Variants in SELENOF observed in about 807,000 individuals in gnomAD.
SELENOF encodes 15 kDa selenoprotein.
A neutral mutation model predicts 20.5 loss-of-function variants in SELENOF; 16 were observed. That is an observed-to-expected ratio of 0.78 (90% CI 0.53 to 1.19). SELENOF has a LOEUF of 1.19. Among genes scored for constraint, SELENOF ranks in the 50% most tolerant of loss-of-function variants. The pLI is 0.00. For synonymous variants in SELENOF, 78 were observed against 74.5 expected, an observed-to-expected ratio of 1.05 and a Z score of -0.24; for missense variants, 215 against 194.2, an observed-to-expected ratio of 1.11 and a Z score of -0.64.
intron 2 of SELENOF, among the ~76,000 whole-genome samples, chr1:86,885,197 C>G (rs1659183149): frequency 6.6e-6 from 1 of 152,138 alleles, no homozygotes; most frequent in South Asian, 2.1e-4. Flanking sequence ...TGAAAAAAAT[C>G]TGAAATCCAA....
chr1:86,894,668 G>T (rs561936684), intron 2 of SELENOF, among the ~76,000 whole-genome samples: 1 of 152,174 alleles, frequency 6.6e-6, no homozygotes, highest in East Asian at 1.9e-4. Flanking sequence ...GTGAGACCTT[G>T]TCTCTACAAA....
intron 2 of SELENOF, among the ~76,000 whole-genome samples, chr1:86,899,553 A>C (rs1373404797): frequency 2.4e-5 from 3 of 125,188 alleles, no homozygotes; most frequent in African/African-American, 6.3e-5. Context: ...CTGACCCCCC[A>C]CCTCCCTCCC....
rs115101344 is a variant in SELENOF, at chr1:86,877,851, A to G, written c.316+2811T>C. Among the ~76,000 whole-genome samples the G allele has an allele frequency of 3.9e-3, 591 of 152,286 alleles. 3 individuals are homozygous for G. Among genetic ancestry groups the G allele is most frequent in the South Asian group, 0.037 (180 of 4,830 alleles). Reference sequence around the variant, plus strand: ...CCATGCTATAATAGCAGAGTTCGATAGTTATGACAGAGCCCATGGTGCCTA... The same window carrying G: ...CCATGCTATAATAGCAGAGTTCGATGGTTATGACAGAGCCCATGGTGCCTA... On this transcript the variant is annotated intron_variant, in intron 3 of 4. Transcript: ENST00000331835.
chr1:86,891,940 T>C (rs1250655128), intron 2 of SELENOF, among the ~76,000 whole-genome samples: 2 of 152,012 alleles, frequency 1.3e-5, no homozygotes, highest in East Asian at 1.9e-4. Flanking sequence ...TAGTTTTTTT[T>C]TTTTTCTAGA....
intron 2 of SELENOF, among the ~76,000 whole-genome samples, chr1:86,888,999 A>T (rs1283323138): frequency 6.6e-6 from 1 of 152,230 alleles, no homozygotes; most frequent in Non-Finnish European, 1.5e-5. Flanking sequence ...AAAGCTACTA[A>T]AACAAATTAA....
chr1:86,909,932 G>A (rs1461893630), intron 1 of SELENOF, among the ~76,000 whole-genome samples: 2 of 152,200 alleles, frequency 1.3e-5, no homozygotes, highest in Non-Finnish European at 2.9e-5. Flanking sequence ...TTGAACCCGA[G>A]AGGCGGAGAT....
Position 86,900,329 on chromosome 1 carries a change from C to A in SELENOF, c.252+2952G>T, listed in dbSNP as rs534643569. On this transcript the variant is annotated intron_variant, in intron 2 of 4. Coordinates refer to ENST00000331835, the MANE Select transcript of SELENOF (RefSeq NM_004261.5). ...CACTGAGTGAACCAGACACCGTCTGCAATCCCGGCACCTCTGGAGGCCGAG... is the reference window on the plus strand; with the variant it reads ...CACTGAGTGAACCAGACACCGTCTGAAATCCCGGCACCTCTGGAGGCCGAG... 3.9e-5 allele frequency among the ~76,000 whole-genome samples: 6 copies of A among 152,324 alleles called. No homozygotes were observed. The South Asian group carries it at 1.2e-3, about 32-fold the overall frequency.
chr1:86,902,541 C>G (rs1403786448), intron 2 of SELENOF, among the ~76,000 whole-genome samples: 1 of 152,162 alleles, frequency 6.6e-6, no homozygotes. Flanking sequence ...TGGAAGGAAA[C>G]AACAGAAATA....
intron 2 of SELENOF, among the ~76,000 whole-genome samples, chr1:86,882,000 G>A (rs1177490484): frequency 6.6e-6 from 1 of 152,116 alleles, no homozygotes; most frequent in Non-Finnish European, 1.5e-5. Context: ...TAGGGAGGCT[G>A]AGGTGGGCGG....
intron 3 of SELENOF, among the ~76,000 whole-genome samples, chr1:86,872,746 A>C (rs1658809918): frequency 6.6e-6 from 1 of 151,998 alleles, no homozygotes; most frequent in Non-Finnish European, 1.5e-5. Flanking sequence ...TCAATACAAA[A>C]ATTAGCCAGG....
chr1:86,887,165 T>C (rs1375316776), intron 2 of SELENOF: 28 of 1,542,588 alleles, frequency 1.8e-5, no homozygotes, highest in Non-Finnish European at 2.2e-5. Context: ...CTTTGAGTGA[T>C]GGCATTCTTG....
chr1:86,897,282 C>T (rs61327976), intron 2 of SELENOF, among the ~76,000 whole-genome samples: 3,574 of 152,110 alleles, frequency 0.023, 72 homozygotes, highest in African/African-American at 0.049. Context: ...AGTGAAACTC[C>T]GTCTTGGTGC....
At chr1:86,899,483 G>C (rs1318646793) in intron 2 of SELENOF, among the ~76,000 whole-genome samples, 1 of 135,256 alleles carries the variant, frequency 7.4e-6, no homozygotes. Flanking sequence ...CTTCCCAGTA[G>C]GGGCGGCCGG....
At chr1:86,900,581 A>AGAGAGG (rs1228557390) in intron 2 of SELENOF, among the ~76,000 whole-genome samples, 1 of 151,744 alleles carries the variant, frequency 6.6e-6, no homozygotes, top group Non-Finnish European at 1.5e-5. Flanking sequence ...GACCGTGGAA[A>AGAGAGG]GAGAGGGAGA....
Position 86,904,788 on chromosome 1 carries a change from C to T in SELENOF, c.85-1340G>A, listed in dbSNP as rs1022658242. Among the ~76,000 whole-genome samples, 2 of 152,202 alleles carry T rather than the reference C, an allele frequency of 1.3e-5. 1 individual carries two copies. The highest frequency in any genetic ancestry group is 4.1e-4 in the South Asian group (2 of 4,832). On this transcript the variant is annotated intron_variant, in intron 1 of 4. Coordinates refer to ENST00000331835, the MANE Select transcript of SELENOF (RefSeq NM_004261.5). ...TTCAAAACTGTTCTGCTTCAACTAC[C>T]CCGTCCAAAGGCCTGTCCTCCTTTA... is the stretch of plus-strand genomic sequence containing the variant.
In SELENOF at chr1:86,906,459, G is replaced by C. The variant is rs1419405255; in HGVS notation, c.85-3011C>G. Among the ~76,000 whole-genome samples, 4 of 152,144 alleles carry C rather than the reference G, an allele frequency of 2.6e-5. No homozygotes were observed. In the South Asian group the frequency reaches 8.3e-4, roughly 31 times the overall value. ...AGTGGGGTCTATGTTCCCTCCCCTTGAATCTGGGCACGGGCCATGACTGTT... is the reference window on the plus strand; with the variant it reads ...AGTGGGGTCTATGTTCCCTCCCCTTCAATCTGGGCACGGGCCATGACTGTT... On this transcript the variant is annotated intron_variant, in intron 1 of 4. Transcript: ENST00000331835.
chr1:86,902,412 C>T (rs523679), intron 2 of SELENOF, among the ~76,000 whole-genome samples: 43,229 of 152,018 alleles, frequency 0.28, 7,669 homozygotes, highest in African/African-American at 0.5. Context: ...TCCGAAAATG[C>T]ACTTACTGTT....
At chr1:86,865,300 T>C (rs139386383) in intron 4 of SELENOF, among the ~76,000 whole-genome samples, 1 of 152,230 alleles carries the variant, frequency 6.6e-6, no homozygotes, top group Non-Finnish European at 1.5e-5. Context: ...CTCAAACTTA[T>C]AAACTTCAGT....
At chr1:86,887,245 G>C (rs1177010500) in intron 2 of SELENOF, 4 of 1,521,760 alleles carry the variant, frequency 2.6e-6, no homozygotes, top group South Asian at 2.5e-5. Context: ...AACAAACAAA[G>C]CTGGCAAATA....
Sources: gnomAD v4.1 joint callset for allele counts (sites outside exome capture counted in the v4.1 genomes callset) on GRCh38, gnomAD v4.1.1 for gene constraint, MANE v1.5 for transcripts, NCBI Gene and HGNC (gene_info 2026-07-23, HGNC 2026-07-21) for gene names.